DOCK3: variants seen among roughly 807,000 people sequenced by gnomAD.
DOCK3 encodes dedicator of cytokinesis 3, also known as dedicator of cytokinesis protein 3.
In DOCK3, 60 loss-of-function variants were observed where a neutral mutation model predicts 265.6. The ratio of observed to expected loss-of-function variants is 0.23; its 90% CI spans 0.18 to 0.28. The LOEUF is 0.28. Ranked by LOEUF, DOCK3 falls within the 10% of genes least tolerant of loss-of-function variation. The pLI is 1.00. For synonymous variants in DOCK3, 881 were observed against 938.0 expected (o/e 0.94, Z 1.11); for missense variants, 1,981 against 2,594.3 (o/e 0.76, Z 5.14).
At chr3:51,097,885 G>A (rs1169513339) in intron 9 of DOCK3, among the ~76,000 whole-genome samples, 3 of 152,180 alleles carry the variant, frequency 2.0e-5, no homozygotes, top group Non-Finnish European at 2.9e-5. Context: ...GACTCCTTGT[G>A]CTTCCCTGGT....
At position 51,360,626 on chromosome 3, in the gene DOCK3, G is replaced by C; in HGVS notation, c.5000G>C (p.Arg1667Pro). 1.2e-6 allele frequency: 2 copies of C among 1,613,856 alleles called. No individual in the cohort carries two copies. The highest frequency in any genetic ancestry group is 1.7e-6 in the Non-Finnish European group (2 of 1,179,842). The change falls in exon 47 of 53, where the codon CGG becomes CCG. Residue 1667 changes from arginine to proline, a missense_variant. Transcript: ENST00000266037. ...CCGGAGAGCATCAAGATGACCCACCGGCACAGGTATGGCCTTAGGGCTGGG... is the reference window on the plus strand; with the variant it reads ...CCGGAGAGCATCAAGATGACCCACCCGCACAGGTATGGCCTTAGGGCTGGG... ...MSPESIKMTHRHSPMNLMGTG... is the reference protein window; with the variant it reads ...MSPESIKMTHPHSPMNLMGTG...
intron 15 of DOCK3, among the ~76,000 whole-genome samples, chr3:51,225,998 C>G (rs1262204693): frequency 6.6e-6 from 1 of 152,166 alleles, no homozygotes; most frequent in Non-Finnish European, 1.5e-5. Flanking sequence ...ACCTGAATCC[C>G]TCTTGCTCCA....
rs549344775 is a variant in DOCK3 at position 51,186,596 on chromosome 3, C to T, written c.1038-22178C>T. On this transcript the variant is annotated intron_variant, in intron 12 of 52. Coordinates refer to ENST00000266037, the MANE Select transcript of DOCK3 (RefSeq NM_004947.5). ...GCATGTCAGAGATCTTCATGGCAGC[C>T]CCTCCCATCACAGGCCTAGAGGCCT... Among the ~76,000 whole-genome samples the T allele has an allele frequency of 9.1e-4, 139 of 152,242 alleles. 1 individual carries two copies. The highest frequency in any genetic ancestry group is 3.1e-3 in the African/African-American group (128 of 41,540).
chr3:51,077,794 G>C (rs1414440038), intron 7 of DOCK3, among the ~76,000 whole-genome samples: 1 of 152,120 alleles, frequency 6.6e-6, no homozygotes, highest in Non-Finnish European at 1.5e-5. Flanking sequence ...TGAAAGTCTA[G>C]AGCTCATAAA....
At chr3:50,729,827 T>G (rs1001317463) in intron 1 of DOCK3, among the ~76,000 whole-genome samples, 1 of 122,442 alleles carries the variant, frequency 8.2e-6, no homozygotes, top group Non-Finnish European at 1.6e-5. Context: ...GAATTTCATT[T>G]TTTTTTTTTT....
intron 5 of DOCK3, among the ~76,000 whole-genome samples, chr3:50,949,867 A>C (rs1307909840): frequency 4.6e-5 from 7 of 152,050 alleles, no homozygotes; most frequent in Admixed American, 4.6e-4. Context: ...TATATAGGAA[A>C]TATCTTTTGG....
intron 38 of DOCK3, among the ~76,000 whole-genome samples, chr3:51,348,565 G>A (rs2085751383): frequency 6.6e-6 from 1 of 152,130 alleles, no homozygotes; most frequent in South Asian, 2.1e-4. Context: ...TAACTTCATA[G>A]TAACAGAACA....
intron 21 of DOCK3, among the ~76,000 whole-genome samples, chr3:51,237,820 A>G (rs1286563475): frequency 6.6e-6 from 1 of 152,142 alleles, no homozygotes; most frequent in Non-Finnish European, 1.5e-5. Context: ...CCATCACCAG[A>G]ACTCTGTCCA....
chr3:51,114,570 A>G (rs1233173135), intron 9 of DOCK3, among the ~76,000 whole-genome samples: 1 of 152,238 alleles, frequency 6.6e-6, no homozygotes, highest in Non-Finnish European at 1.5e-5. Flanking sequence ...ATATAGAGGC[A>G]GAAATGAGGA....
intron 3 of DOCK3, among the ~76,000 whole-genome samples, chr3:50,887,975 C>G (rs922760340): frequency 3.9e-5 from 6 of 152,258 alleles, no homozygotes; most frequent in African/African-American, 1.4e-4. Context: ...TCTCTCACCA[C>G]TCCTGTTCAA....
Position 51,277,590 on chromosome 3 carries a change from T to C in DOCK3, c.2677-18T>C. ...CTGGCTTGCTGCTAATGGTGTGCTC[T>C]CTTGCTGCTCGCTCCAGGAGGCAGA... On this transcript the variant is annotated intron_variant, in intron 25 of 52. Transcript: ENST00000266037. The C allele has an allele frequency of 6.6e-7, 1 of 1,522,038 alleles. No homozygotes were observed. Among genetic ancestry groups the C allele is most frequent in the Non-Finnish European group, 8.8e-7 (1 of 1,135,114 alleles). The allele number at this position is 1,522,038 out of a possible 1,614,324, so 94.3% of individuals were successfully genotyped here. A position where few individuals can be genotyped will look rare whatever the true frequency, so the allele number is the denominator to read the frequency against.
intron 5 of DOCK3, among the ~76,000 whole-genome samples, chr3:50,943,685 TAATC>T (rs1267716086): frequency 6.6e-6 from 1 of 152,164 alleles, no homozygotes; most frequent in East Asian, 1.9e-4. Context: ...TAGAAACATA[TAATC>T]AGTATTAAGT....
intron 9 of DOCK3, among the ~76,000 whole-genome samples, chr3:51,137,099 G>A (rs2084841972): frequency 2.0e-5 from 3 of 151,824 alleles, no homozygotes; most frequent in Non-Finnish European, 4.4e-5. Flanking sequence ...ACCATCGTTT[G>A]CCTTTATAAA....
At chr3:50,952,001 A>G (rs1450897832) in intron 5 of DOCK3, among the ~76,000 whole-genome samples, 4 of 152,188 alleles carry the variant, frequency 2.6e-5, no homozygotes, top group African/African-American at 4.8e-5. Flanking sequence ...TTCGACAGAA[A>G]TATACTTAAT....
chr3:50,719,975 T>C, intron 1 of DOCK3: 2 of 408,186 alleles, frequency 4.9e-6, no homozygotes, highest in Non-Finnish European at 9.2e-6. Flanking sequence ...AGTGTCGTTG[T>C]CTACAAAGAC....
Position 51,116,472 on chromosome 3 carries a change from A to AAAAG in DOCK3, c.746+26088_746+26089insAAAG, listed in dbSNP as rs1553763620. On this transcript the variant is annotated intron_variant, in intron 9 of 52. Coordinates refer to ENST00000266037, the MANE Select transcript of DOCK3 (RefSeq NM_004947.5). ...TCTCAAAAAAAAAAAAAAAAAAAAAAGGGTAGTTTTTTTCTAATTCTGTGA... is the reference window on the plus strand; with the variant it reads ...TCTCAAAAAAAAAAAAAAAAAAAAAAAAAGGGGTAGTTTTTTTCTAATTCTGTGA... Among the ~76,000 whole-genome samples, 89 of 145,060 alleles carry AAAAG rather than the reference A, an allele frequency of 6.1e-4. 2 individuals carry two copies. Among genetic ancestry groups the AAAAG allele is most frequent in the African/African-American group, 2.4e-3 (86 of 36,232 alleles).
intron 9 of DOCK3, among the ~76,000 whole-genome samples, chr3:51,108,148 C>T (rs188009235): frequency 2.6e-5 from 4 of 152,014 alleles, no homozygotes; most frequent in Admixed American, 2.0e-4. Flanking sequence ...AAGCAGTTCT[C>T]CTCAGCCTCC....
In DOCK3 at chr3:50,773,589, G is replaced by A. The variant is rs114760443; in HGVS notation, c.38-5086G>A. Among the ~76,000 whole-genome samples the A allele has an allele frequency of 3.8e-3, 582 of 152,170 alleles. 6 individuals are homozygous for A. Among genetic ancestry groups the A allele is most frequent in the African/African-American group, 0.013 (545 of 41,562 alleles). ...ATTGAAATTTAATAGTAAGGGCCTC[G>A]ATAAAGAGTTTGTTAACGAGTAAAA... On this transcript the variant is annotated intron_variant, in intron 1 of 52. Coordinates refer to ENST00000266037, the MANE Select transcript of DOCK3 (RefSeq NM_004947.5).
chr3:51,271,138 A>G (rs886707927), intron 24 of DOCK3, 131 bp downstream of exon 24: 1 of 1,082,458 alleles, frequency 9.2e-7, no homozygotes, highest in Admixed American at 2.5e-5. Context: ...AACCCTTAAG[A>G]TACAGAATTT....
Sources: gnomAD v4.1 joint callset for allele counts (sites outside exome capture counted in the v4.1 genomes callset) on GRCh38, gnomAD v4.1.1 for gene constraint, MANE v1.5 for transcripts, NCBI Gene and HGNC (gene_info 2026-07-23, HGNC 2026-07-21) for gene names.